The following ASPG variants were observed in gnomAD, a reference collection of about 807,000 sequenced individuals.
ASPG encodes the protein 60 kDa lysophospholipase.
ASPG carries 53 observed loss-of-function variants against 63.2 expected under a neutral mutation model. The ratio of observed to expected loss-of-function variants is 0.84; its 90% confidence interval spans 0.67 to 1.05. The LOEUF is 1.05. Ranked by LOEUF, ASPG falls within the 50% of genes least tolerant of loss-of-function variation. The probability of loss-of-function intolerance (pLI) is 0.00; values close to 1 mark genes in which losing one functional copy is unlikely to be tolerated. For synonymous variants in ASPG, 370 were observed against 355.0 expected, an observed-to-expected ratio of 1.04 and a Z score of -0.48; for missense variants, 741 against 794.4, an observed-to-expected ratio of 0.93 and a Z score of 0.81.
intron 12 of ASPG, chr14:104,108,814 T>C (rs1047826553): frequency 3.5e-5 from 34 of 985,274 alleles, no homozygotes; most frequent in Non-Finnish European, 4.0e-5. Context: ...GATCAGCGTT[T>C]GGGTGTGCAG....
intron 1 of ASPG, among the ~76,000 whole-genome samples, chr14:104,089,303 G>A (rs866177213): frequency 6.6e-6 from 1 of 151,992 alleles, no homozygotes; most frequent in Non-Finnish European, 1.5e-5. Context: ...ACTTGAGATC[G>A]GGAGTTCAAG....
At chr14:104,090,139 A>G (rs1256664632) in intron 1 of ASPG, among the ~76,000 whole-genome samples, 1 of 152,138 alleles carries the variant, frequency 6.6e-6, no homozygotes, top group Admixed American at 6.5e-5. Flanking sequence ...TGCTTGAGAG[A>G]AGAGGACACC....
rs1596111651 is a variant in ASPG at position 104,109,401 on chromosome 14, G to A, written c.1520+86G>A. The A allele has an allele frequency of 1.5e-5, 21 of 1,418,636 alleles. No homozygotes were observed. In the South Asian group the frequency reaches 2.6e-4, roughly 18 times the overall value. 87.9% of individuals were successfully genotyped at this position (1,418,636 alleles called of 1,614,324 possible). ...AAGCCAGACCTGCTGGGAGGGACAA[G>A]TGAGTCAGGGTGTGGGGGCTTTCAG... On this transcript the variant is annotated intron_variant, in intron 13 of 15. Coordinates refer to ENST00000551177, the MANE Select transcript of ASPG (RefSeq NM_001080464.3). This position sits in a 1 kb window ranked among gnomAD's most constrained non-coding sequence, Gnocchi z 4.8.
intron 10 of ASPG, 111 bp from the exon 11 acceptor site, chr14:104,106,688 C>T (rs1400751363): frequency 2.1e-6 from 2 of 970,660 alleles, no homozygotes; most frequent in African/African-American, 1.6e-5. Context: ...GCCCTGGGAT[C>T]TGCGGGCCCT....
At chr14:104,094,682 A>G (rs1196010893) in intron 3 of ASPG, among the ~76,000 whole-genome samples, 1 of 152,182 alleles carries the variant, frequency 6.6e-6, no homozygotes, top group Non-Finnish European at 1.5e-5. Flanking sequence ...TGTAGCCGGC[A>G]GCCCTCACCG....
intron 4 of ASPG, 69 bp downstream of exon 4, chr14:104,095,725 G>T: frequency 6.3e-7 from 1 of 1,593,088 alleles, no homozygotes; most frequent in South Asian, 1.1e-5. Context: ...TCAGCGCTGT[G>T]GGCGGCCGCT....
intron 7 of ASPG, among the ~76,000 whole-genome samples, 190 bp downstream of exon 7, chr14:104,103,865 C>T (rs887483372): frequency 6.6e-6 from 1 of 152,250 alleles, no homozygotes; most frequent in African/African-American, 2.4e-5. Flanking sequence ...TTTCCAGCCT[C>T]TCGGGGAGTG....
rs892541189 is a variant in ASPG at position 104,089,182 on chromosome 14, G to A, written c.82+3330G>A. Among the ~76,000 whole-genome samples the A allele has an allele frequency of 5.3e-5, 8 of 151,732 alleles. No individual in the cohort carries two copies. The East Asian group carries it at 1.4e-3, about 26-fold the overall frequency. Reference sequence around the variant, plus strand: ...ACTACAGGCGCCCGCCACCGTGCCCGGCTGAAAGCTGGTGTTTATTTAAAA... The same window carrying A: ...ACTACAGGCGCCCGCCACCGTGCCCAGCTGAAAGCTGGTGTTTATTTAAAA... On this transcript the variant is annotated intron_variant, in intron 1 of 15. Transcript: ENST00000551177.
intron 2 of ASPG, chr14:104,093,016 G>A (rs953244700): frequency 1.9e-5 from 10 of 523,414 alleles, no homozygotes; most frequent in African/African-American, 9.5e-5. Flanking sequence ...AGGGCGCCCC[G>A]TCTAGGGATC....
rs1271975771 is a variant in ASPG, at chr14:104,109,229, G to A, written c.1434G>A (p.Arg478=). ...GGTCAGCATGCTCATTCTCACACAG[G>A]CATCCGGGTGTCATTGGGTTGCTGC... ...FSPLLLAVRG[R]HPGVIGLLRE... Residue 478 remains arginine, a splice_region_variant and synonymous_variant, in exon 13 of 16, where the codon AGG becomes AGA. Transcript: ENST00000551177. The surrounding 1 kb of genome is among the most constrained non-coding windows in gnomAD (Gnocchi z 4.8). 6.2e-7 allele frequency: 1 copy of A among 1,612,894 alleles called. No individual in the cohort carries two copies. The highest frequency in any genetic ancestry group is 8.5e-7 in the Non-Finnish European group (1 of 1,179,668).
At chr14:104,098,674 A>C (rs1198431288) in intron 5 of ASPG, among the ~76,000 whole-genome samples, 179 bp from the exon 6 acceptor site, 1 of 152,002 alleles carries the variant, frequency 6.6e-6, no homozygotes, top group Non-Finnish European at 1.5e-5. Flanking sequence ...CAGGGCAGGA[A>C]AGGGCCCGAG....
chr14:104,090,182 G>T (rs964028453), intron 1 of ASPG, among the ~76,000 whole-genome samples: 4 of 152,092 alleles, frequency 2.6e-5, no homozygotes, highest in Non-Finnish European at 5.9e-5. Flanking sequence ...GGCTGATTTC[G>T]CCTGTGGTGC....
intron 6 of ASPG, among the ~76,000 whole-genome samples, chr14:104,103,339 C>T (rs1173193554): frequency 6.6e-6 from 1 of 152,268 alleles, no homozygotes; most frequent in African/African-American, 2.4e-5. Context: ...GTGCCTCCTC[C>T]CACAGCCCCG....
chr14:104,092,593 C>T, intron 1 of ASPG, 40 bp from the exon 2 acceptor site: 1 of 1,499,952 alleles, frequency 6.7e-7, no homozygotes, highest in Non-Finnish European at 9.0e-7. Flanking sequence ...CCATGGCTGT[C>T]AGCCCCTGAC....
intron 7 of ASPG, 79 bp downstream of exon 7, chr14:104,103,754 T>G (rs1596096063): frequency 7.8e-7 from 1 of 1,274,308 alleles, no homozygotes; most frequent in South Asian, 1.4e-5. Flanking sequence ...TCAGGCTCCC[T>G]GGGGCCCTCA....
intron 13 of ASPG, chr14:104,111,122 C>A: frequency 1.0e-6 from 1 of 985,386 alleles, no homozygotes; most frequent in Non-Finnish European, 1.2e-6. Context: ...GGTGGGCGTG[C>A]ATATGTGTGT....
Position 104,110,648 on chromosome 14 carries a change from T to C in ASPG, c.1521-854T>C. 1.0e-6 allele frequency: 1 copy of C among 985,264 alleles called. No individual in the cohort carries two copies. 61.0% of individuals were successfully genotyped at this position (985,264 alleles called of 1,614,324 possible). A position where few individuals can be genotyped will look rare whatever the true frequency, so the allele number is the denominator to read the frequency against. On this transcript the variant is annotated intron_variant, in intron 13 of 15. Coordinates refer to ENST00000551177, the MANE Select transcript of ASPG (RefSeq NM_001080464.3). The surrounding 1 kb of genome is among the most constrained non-coding windows in gnomAD (Gnocchi z 4.7). ...CCATCCAGCAGATTCGCTGCAGAGA[T>C]TACCCAGTGCCACTGCAGGGCTGCT...
At chr14:104,094,979 C>T (rs1285402373) in intron 3 of ASPG, among the ~76,000 whole-genome samples, 1 of 152,158 alleles carries the variant, frequency 6.6e-6, no homozygotes, top group Non-Finnish European at 1.5e-5. Flanking sequence ...CCTGGGCCAG[C>T]CACCCTCCAG....
At chr14:104,106,926 C>T (rs2037156717) in intron 11 of ASPG, 32 bp downstream of exon 11, 3 of 1,543,228 alleles carry the variant, frequency 1.9e-6, no homozygotes, top group Middle Eastern at 4.2e-4. Context: ...GGCCCAGCCC[C>T]AGCCACGCCT....
Sources: gnomAD v4.1 joint callset for allele counts (sites outside exome capture counted in the v4.1 genomes callset) on GRCh38, gnomAD v4.1.1 for gene constraint, Gnocchi (gnomAD v3.1) non-coding constraint, MANE v1.5 for transcripts, NCBI Gene and HGNC (gene_info 2026-07-23, HGNC 2026-07-21) for gene names.